UNC5C: variants seen among roughly 807,000 people sequenced by gnomAD.
The protein encoded by UNC5C is netrin receptor UNC5C.
A neutral mutation model predicts 99.8 loss-of-function variants in UNC5C; 47 were observed. The observed-to-expected ratio is 0.47, with a 90% CI of 0.37 to 0.60. UNC5C has a LOEUF of 0.60. UNC5C is among the 20% of genes least tolerant of loss of function. The pLI is 0.00. For missense variants in UNC5C, 1,062 were observed against 1,165.9 expected, an observed-to-expected ratio of 0.91 and a Z score of 1.30; for synonymous variants, 487 against 452.2, an observed-to-expected ratio of 1.08 and a Z score of -0.98.
At chr4:95,490,196 A>T (rs1721443318) in intron 1 of UNC5C, among the ~76,000 whole-genome samples, 1 of 151,618 alleles carries the variant, frequency 6.6e-6, no homozygotes, top group East Asian at 2.0e-4. Flanking sequence ...GCACTTCCAG[A>T]AGATGGAAGG....
chr4:95,201,562 T>C (rs1737657411), intron 12 of UNC5C, among the ~76,000 whole-genome samples: 1 of 152,076 alleles, frequency 6.6e-6, no homozygotes, highest in South Asian at 2.1e-4. Flanking sequence ...AAAATTCCTA[T>C]CTATTATTCT....
At chr4:95,338,576 G>A (rs1743435342) in intron 1 of UNC5C, among the ~76,000 whole-genome samples, 1 of 151,974 alleles carries the variant, frequency 6.6e-6, no homozygotes, top group South Asian at 2.1e-4. Context: ...GGTTTTATAA[G>A]ACTATTACCA....
intron 3 of UNC5C, among the ~76,000 whole-genome samples, chr4:95,292,572 G>A (rs1741517592): frequency 1.3e-5 from 2 of 152,054 alleles, no homozygotes; most frequent in Non-Finnish European, 2.9e-5. Flanking sequence ...CTTTCTAAGG[G>A]GGTGAGGGGG....
At chr4:95,442,555 C>T (rs1746981835) in intron 1 of UNC5C, among the ~76,000 whole-genome samples, 1 of 151,182 alleles carries the variant, frequency 6.6e-6, no homozygotes, top group African/African-American at 2.4e-5. Flanking sequence ...TGGCCTCCAA[C>T]TCCTGGGCTC....
intron 4 of UNC5C, among the ~76,000 whole-genome samples, chr4:95,258,595 T>C (rs891477025): frequency 6.6e-6 from 1 of 152,096 alleles, no homozygotes. Flanking sequence ...TGGGGCATAT[T>C]TGAACTAATT....
intron 8 of UNC5C, 148 bp from the exon 9 acceptor site, chr4:95,219,461 G>A (rs1738385850): frequency 1.4e-6 from 1 of 718,724 alleles, no homozygotes; most frequent in East Asian, 2.7e-5. Context: ...TGAAAACAGG[G>A]CAATCAGATA....
intron 1 of UNC5C, among the ~76,000 whole-genome samples, chr4:95,532,891 T>TA: frequency 7.0e-6 from 1 of 141,924 alleles, no homozygotes; most frequent in East Asian, 2.1e-4. Context: ...ATTCTAAAGG[T>TA]AACTGTTTAG....
chr4:95,433,923 A>G (rs1187503641), intron 1 of UNC5C, among the ~76,000 whole-genome samples: 1 of 151,954 alleles, frequency 6.6e-6, no homozygotes, highest in Non-Finnish European at 1.5e-5. Flanking sequence ...GCCTGTGCAC[A>G]AGTTAATCCT....
intron 1 of UNC5C, among the ~76,000 whole-genome samples, chr4:95,405,261 A>G (rs1000016193): frequency 3.3e-5 from 5 of 152,136 alleles, no homozygotes; most frequent in Non-Finnish European, 7.4e-5. Context: ...GCAGAGCTGG[A>G]GCCCAAAGTA....
chr4:95,275,070 A>G (rs1740808251), intron 4 of UNC5C, among the ~76,000 whole-genome samples: 1 of 137,164 alleles, frequency 7.3e-6, no homozygotes, highest in African/African-American at 2.5e-5. Context: ...GGGCAGCAGT[A>G]CACCATGACT....
rs759306174 is a variant in UNC5C at position 95,335,483 on chromosome 4, G to C, written c.273C>G (p.Ile91Met). Residue 91 changes from isoleucine to methionine, a missense_variant, in exon 2 of 16, where the codon ATC becomes ATG. By Grantham distance (10) the Ile-to-Met change is conservative (BLOSUM62 1). This residue lies in a region of UNC5C where 249 missense variants were observed against 295.1 expected (regional missense o/e 0.84). Coordinates refer to ENST00000453304, the MANE Select transcript of UNC5C (RefSeq NM_003728.4). The stretch of plus-strand genomic sequence containing the variant: ...CCCATTCACTATTACACTTGAAATA[G>C]ATCTGGGTGGCAGGGCTTGCTTTAC... ...LYCKASPATQ[I>M]YFKCNSEWVH... 5 of 1,612,450 alleles carry C rather than the reference G, an allele frequency of 3.1e-6. No homozygotes were observed. Among genetic ancestry groups the C allele is most frequent in the Non-Finnish European group, 3.4e-6 (4 of 1,178,942 alleles).
chr4:95,458,071 A>G (rs1036703054), intron 1 of UNC5C, among the ~76,000 whole-genome samples: 3 of 152,220 alleles, frequency 2.0e-5, no homozygotes, highest in African/African-American at 7.2e-5. Flanking sequence ...GTGTGTGTAC[A>G]TTTCCTCCGT....
intron 1 of UNC5C, among the ~76,000 whole-genome samples, chr4:95,495,302 A>G (rs6532560): frequency 0.81 from 122,906 of 151,266 alleles, 50,046 homozygotes; most frequent in South Asian, 0.87. Context: ...GTCAGTTTTA[A>G]GACAAATTGT....
intron 1 of UNC5C, among the ~76,000 whole-genome samples, chr4:95,454,813 G>A (rs1453161954): frequency 6.6e-6 from 1 of 152,052 alleles, no homozygotes; most frequent in Non-Finnish European, 1.5e-5. Context: ...AGCATAAACT[G>A]TTGACACCTA....
At chr4:95,345,880 A>C (rs1743751710) in intron 1 of UNC5C, among the ~76,000 whole-genome samples, 2 of 151,988 alleles carry the variant, frequency 1.3e-5, no homozygotes, top group Non-Finnish European at 1.5e-5. Flanking sequence ...TTATAGCTTT[A>C]AGTGCCTACA....
At chr4:95,495,867 A>G (rs1014165165) in intron 1 of UNC5C, among the ~76,000 whole-genome samples, 20 of 151,812 alleles carry the variant, frequency 1.3e-4, no homozygotes, top group African/African-American at 4.8e-4. Flanking sequence ...AAGATTTACT[A>G]AAGTTCAAAT....
chr4:95,482,194 C>T (rs1484898808), intron 1 of UNC5C, among the ~76,000 whole-genome samples: 27 of 151,578 alleles, frequency 1.8e-4, no homozygotes, highest in Admixed American at 1.4e-3. Context: ...AAAAAGTGGG[C>T]GAAGGACATG....
intron 1 of UNC5C, among the ~76,000 whole-genome samples, chr4:95,357,146 T>TTA (rs759636252): frequency 6.7e-6 from 1 of 148,464 alleles, no homozygotes. Flanking sequence ...TTTTTTTTTT[T>TTA]ATTTAAAGAC....
At chr4:95,421,067 C>G (rs906102759) in intron 1 of UNC5C, among the ~76,000 whole-genome samples, 3 of 152,080 alleles carry the variant, frequency 2.0e-5, no homozygotes, top group Non-Finnish European at 2.9e-5. Context: ...CAAATAGGAC[C>G]AAGACTTCTC....
Sources: allele counts gnomAD v4.1 joint callset (sites outside exome capture counted in the v4.1 genomes callset), GRCh38; gene constraint gnomAD v4.1.1; regional missense constraint gnomAD v4.1.1; transcripts MANE v1.5; gene names NCBI Gene and HGNC (gene_info 2026-07-23, HGNC 2026-07-21).